RNF34: variants seen among roughly 807,000 people sequenced by gnomAD.
RNF34 encodes ring finger protein 34, also known as E3 ubiquitin-protein ligase RNF34.
RNF34 carries 12 observed loss-of-function variants against 37.9 expected under a neutral mutation model. The ratio of observed to expected loss-of-function variants is 0.32; its 90% CI spans 0.20 to 0.51. The LOEUF (loss-of-function observed/expected upper bound fraction) is 0.51. Ranked by LOEUF, RNF34 falls within the 20% of genes least tolerant of loss-of-function variation. RNF34 has a pLI of 0.97. For missense variants in RNF34, 362 were observed against 472.7 expected, an observed-to-expected ratio of 0.77 and a Z score of 2.17; for synonymous variants, 155 against 177.2, an observed-to-expected ratio of 0.87 and a Z score of 1.00.
Position 121,417,900 on chromosome 12 carries a change from G to C in RNF34, c.622G>C (p.Val208Leu), listed in dbSNP as rs549441736. ...MDGDQTSRSG[V>L]PAQVQSEITS... Reference sequence around the variant, plus strand: ...TGGAGACCAAACATCCAGATCTGGAGTGCCGGCACAGGTACGAGGGGGTAA... The same window carrying C: ...TGGAGACCAAACATCCAGATCTGGACTGCCGGCACAGGTACGAGGGGGTAA... Residue 208 changes from valine to leucine, a missense_variant, in exon 3 of 6, where the codon GTG becomes CTG. Physicochemically the swap from Val to Leu is conservative, Grantham distance 32. Coordinates refer to ENST00000361234, the MANE Select transcript of RNF34 (RefSeq NM_025126.4). The surrounding 1 kb of genome is among the most constrained non-coding windows in gnomAD (Gnocchi z 5.0). 6.2e-7 allele frequency: 1 copy of C among 1,613,844 alleles called. No homozygotes were observed. The highest frequency in any genetic ancestry group is 2.2e-5 in the East Asian group (1 of 44,886).
chr12:121,419,440 T>C (rs1482675558), intron 3 of RNF34, among the ~76,000 whole-genome samples: 1 of 152,234 alleles, frequency 6.6e-6, no homozygotes, highest in East Asian at 1.9e-4. Flanking sequence ...CCAGGAGTTT[T>C]ATTATTCTCC....
chr12:121,402,850 C>G, intron 1 of RNF34: 1 of 1,431,124 alleles, frequency 7.0e-7, no homozygotes, highest in South Asian at 1.2e-5. Flanking sequence ...AATAATCGAT[C>G]AGTTTGGCCA....
In RNF34 at chr12:121,411,847, A is replaced by G. The variant is rs546726587; in HGVS notation, c.7-4312A>G. Among the ~76,000 whole-genome samples the G allele has an allele frequency of 2.6e-5, 4 of 152,342 alleles. No homozygotes were observed. In the South Asian group the frequency reaches 8.3e-4, roughly 32 times the overall value. ...AGAGAGCTGTTGGTTTAGTAGCTAC[A>G]TTAGTAGGAAGCTAAACTTGTAAAA... On this transcript the variant is annotated intron_variant, in intron 1 of 5. Transcript: ENST00000361234.
At chr12:121,413,892 G>C (rs1871332457) in intron 1 of RNF34, among the ~76,000 whole-genome samples, 1 of 152,098 alleles carries the variant, frequency 6.6e-6, no homozygotes, top group Admixed American at 6.6e-5. Context: ...ACTTTTAAAG[G>C]CATCACTATT....
intron 1 of RNF34, among the ~76,000 whole-genome samples, chr12:121,400,929 A>G (rs947334771): frequency 6.6e-6 from 1 of 152,160 alleles, no homozygotes; most frequent in Non-Finnish European, 1.5e-5. Flanking sequence ...ATGATTCTCA[A>G]CCCGATCACT....
chr12:121,408,456 A>T (rs1178366342), intron 1 of RNF34, among the ~76,000 whole-genome samples: 1 of 152,118 alleles, frequency 6.6e-6, no homozygotes, highest in Non-Finnish European at 1.5e-5. Flanking sequence ...AATAAAAATA[A>T]AAATAAAAAT....
chr12:121,402,652 T>G (rs1870109854), intron 1 of RNF34: 4 of 716,236 alleles, frequency 5.6e-6, no homozygotes, highest in Non-Finnish European at 9.3e-6. Context: ...TTAATTGTGC[T>G]AATCTGGGTT....
chr12:121,420,413 G>T, intron 4 of RNF34, 79 bp downstream of exon 4: 1 of 1,552,890 alleles, frequency 6.4e-7, no homozygotes. Flanking sequence ...ACATTCGCTA[G>T]ATTAGTACAG....
chr12:121,401,354 C>CAAAAAAAAAAAAAAAAA (rs563285897), intron 1 of RNF34, among the ~76,000 whole-genome samples: 2 of 76,788 alleles, frequency 2.6e-5, no homozygotes, highest in East Asian at 4.2e-4. Flanking sequence ...CTATAGGTAT[C>CAAAAAAAAAAAAAAAAA]AAAAAAAAAA....
intron 3 of RNF34, among the ~76,000 whole-genome samples, chr12:121,419,519 T>C (rs1311573724): frequency 3.3e-5 from 5 of 152,190 alleles, no homozygotes; most frequent in South Asian, 4.1e-4. Context: ...CTTTTGGGTA[T>C]ACACCACCAT....
chr12:121,416,398 C>T (rs188015976), intron 2 of RNF34, 21 bp downstream of exon 2: 4 of 1,453,050 alleles, frequency 2.8e-6, no homozygotes, highest in Non-Finnish European at 3.9e-6. Flanking sequence ...TGAAATGTTA[C>T]ATAACAACAC....
chr12:121,409,084 AT>A (rs1236191628), intron 1 of RNF34, among the ~76,000 whole-genome samples: 8 of 151,872 alleles, frequency 5.3e-5, no homozygotes, highest in Non-Finnish European at 1.0e-4. Context: ...GGTTCAAACG[AT>A]TCTCCTGCCT....
intron 1 of RNF34, among the ~76,000 whole-genome samples, chr12:121,413,680 C>G (rs1871315591): frequency 1.3e-5 from 2 of 151,396 alleles, no homozygotes; most frequent in Admixed American, 6.6e-5. Flanking sequence ...CGGGTTCACG[C>G]CATTCTCCTG....
intron 1 of RNF34, among the ~76,000 whole-genome samples, chr12:121,401,161 GAA>G (rs144296164): frequency 1.3e-5 from 2 of 152,088 alleles, no homozygotes; most frequent in African/African-American, 4.8e-5. Flanking sequence ...ATAGAAGATT[GAA>G]AAAGAGTGTC....
At position 121,423,305 on chromosome 12, in the gene RNF34, C is replaced by A; in HGVS notation, c.929-81C>A. ...CCTGCAGGGGTCATTCAGCAGGTGG[C>A]TGCTCAGCTTCGGACTGGGAGGGTG... On this transcript the variant is annotated intron_variant, in intron 5 of 5. Transcript: ENST00000361234. The surrounding 1 kb of genome is among the most constrained non-coding windows in gnomAD (Gnocchi z 4.3). The A allele has an allele frequency of 8.8e-7, 1 of 1,132,280 alleles. No homozygotes were observed. Among genetic ancestry groups the A allele is most frequent in the Non-Finnish European group, 1.3e-6 (1 of 794,638 alleles). 70.1% of individuals were successfully genotyped at this position (1,132,280 alleles called of 1,614,324 possible).
intron 1 of RNF34, among the ~76,000 whole-genome samples, chr12:121,403,128 G>A (rs34194877): frequency 0.035 from 5,279 of 152,202 alleles, 302 homozygotes; most frequent in African/African-American, 0.12. Flanking sequence ...CGGGCGCGGT[G>A]GCTCACGCCT....
Position 121,401,354 on chromosome 12 carries a change from C to CAAAAAA in RNF34, c.6+1151_6+1156dup, listed in dbSNP as rs563285897. 2.0e-3 allele frequency among the ~76,000 whole-genome samples: 156 copies of CAAAAAA among 76,774 alleles called. 8 individuals carry two copies. Among genetic ancestry groups the CAAAAAA allele is most frequent in the African/African-American group, 4.4e-3 (100 of 22,636 alleles). The allele number at this position is 76,774 out of a possible 152,430, so 50.4% of individuals were successfully genotyped here. A position where few individuals can be genotyped will look rare whatever the true frequency, so the allele number is the denominator to read the frequency against. On this transcript the variant is annotated intron_variant, in intron 1 of 5. Transcript: ENST00000361234. Reference sequence around the variant, plus strand: ...TTACAAGGCAGAAGGCTATAGGTATCAAAAAAAAAAAAAAAAAAAAGGCAG... The same window carrying CAAAAAA: ...TTACAAGGCAGAAGGCTATAGGTATCAAAAAAAAAAAAAAAAAAAAAAAAAAGGCAG...
At chr12:121,407,421 A>G (rs547687687) in intron 1 of RNF34, among the ~76,000 whole-genome samples, 1 of 152,382 alleles carries the variant, frequency 6.6e-6, no homozygotes, top group South Asian at 2.1e-4. Context: ...GTATACTGTC[A>G]GAAGCCAGAG....
intron 1 of RNF34, among the ~76,000 whole-genome samples, chr12:121,415,900 G>A (rs1451893439): frequency 6.7e-6 from 1 of 148,614 alleles, no homozygotes; most frequent in Non-Finnish European, 1.5e-5. Context: ...GGTGGGTAGG[G>A]AGGTTTTTTG....
Sources: gnomAD v4.1 joint callset for allele counts (sites outside exome capture counted in the v4.1 genomes callset) on GRCh38, gnomAD v4.1.1 for gene constraint, Gnocchi (gnomAD v3.1) non-coding constraint, MANE v1.5 for transcripts, NCBI Gene and HGNC (gene_info 2026-07-23, HGNC 2026-07-21) for gene names.